Variants in ADAMTS9 observed in about 807,000 individuals in gnomAD.
ADAMTS9 encodes the protein ADAM metallopeptidase with thrombospondin type 1 motif 9.
ADAMTS9 carries 107 observed loss-of-function variants against 257.1 expected under a neutral mutation model. That is an observed-to-expected ratio of 0.42 (90% CI 0.36 to 0.49). The LOEUF is 0.49. Among genes scored for constraint, ADAMTS9 ranks in the 20% least tolerant of loss-of-function variants. ADAMTS9 has a pLI of 0.03. For synonymous variants in ADAMTS9, 982 were observed against 880.9 expected, an observed-to-expected ratio of 1.11 and a Z score of -2.03; for missense variants, 2,353 against 2,469.1, an observed-to-expected ratio of 0.95 and a Z score of 1.00.
Position 64,601,955 on chromosome 3 carries a change from G to T in ADAMTS9, c.4006C>A (p.Pro1336Thr). ...VLGGNQWRTG[P>T]WGACSSTCAG... is the part of the protein sequence containing the mutation. ...CAGGGAATACTCACTGCTCCCCAGG[G>T]GCCAGTTCTCCACTGGTTTCCACCG... Residue 1336 changes from proline to threonine, a missense_variant, in exon 26 of 40, where the codon CCC becomes ACC. Pro to Thr is a conservative substitution (Grantham distance 38). Coordinates refer to ENST00000498707, the MANE Select transcript of ADAMTS9 (RefSeq NM_182920.2). The T allele has an allele frequency of 1.2e-6, 2 of 1,606,206 alleles. No homozygotes were observed. The highest frequency in any genetic ancestry group is 1.1e-5 in the South Asian group (1 of 89,968).
chr3:64,559,651 T>C (rs2083387348), intron 30 of ADAMTS9, among the ~76,000 whole-genome samples: 1 of 152,220 alleles, frequency 6.6e-6, no homozygotes, highest in Non-Finnish European at 1.5e-5. Flanking sequence ...TTAAAAAAGA[T>C]CCATCTGCAC....
intron 4 of ADAMTS9, among the ~76,000 whole-genome samples, chr3:64,657,506 T>C (rs1047802244): frequency 2.3e-5 from 3 of 132,542 alleles, no homozygotes; most frequent in African/African-American, 6.2e-5. Flanking sequence ...ACCTGGCTAA[T>C]TGGTTTTTTT....
chr3:64,520,742 A>T, intron 39 of ADAMTS9, among the ~76,000 whole-genome samples: 1 of 152,234 alleles, frequency 6.6e-6, no homozygotes, highest in Non-Finnish European at 1.5e-5. Context: ...CTGGCTAACC[A>T]TATACAGAAG....
At chr3:64,564,953 T>C (rs2083505640) in intron 29 of ADAMTS9, among the ~76,000 whole-genome samples, 1 of 152,248 alleles carries the variant, frequency 6.6e-6, no homozygotes. Flanking sequence ...GTAGCATAGC[T>C]ACTGCGAATG....
In ADAMTS9 at chr3:64,551,001, T is replaced by C. The variant is rs1238495067; in HGVS notation, c.4760A>G (p.Lys1587Arg). The C allele has an allele frequency of 1.2e-6, 2 of 1,614,210 alleles. No individual in the cohort carries two copies. Among genetic ancestry groups the C allele is most frequent in the South Asian group, 1.1e-5 (1 of 91,090 alleles). ...YRKVVCVDDN[K>R]NEVHGARCDV... The stretch of plus-strand genomic sequence containing the variant: ...ACAGCGTGCCCCATGCACCTCGTTT[T>C]TGTTGTCATCCACACACACCACCTT... Residue 1587 changes from lysine to arginine, a missense_variant, in exon 31 of 40, where the codon AAA becomes AGA. Around this residue, in one of 3 missense-constraint regions of ADAMTS9, gnomAD observed 1,402 missense variants for 1,441.4 expected, o/e 0.97. Coordinates refer to ENST00000498707, the MANE Select transcript of ADAMTS9 (RefSeq NM_182920.2).
intron 22 of ADAMTS9, among the ~76,000 whole-genome samples, chr3:64,608,851 C>T (rs2106826726): frequency 6.6e-6 from 1 of 151,948 alleles, no homozygotes; most frequent in Non-Finnish European, 1.5e-5. Flanking sequence ...ATTAATATTG[C>T]TTATACAGAT....
chr3:64,624,850 T>A lies in ADAMTS9; in HGVS notation c.2390-2264A>T, dbSNP rs115137531. On this transcript the variant is annotated intron_variant, in intron 16 of 39. Transcript: ENST00000498707. Reference sequence around the variant, plus strand: ...ATAAAATCTCAATCACATCTTTTCCTTTTAGTATTTAATTCAAAATTTTGA... The same window carrying A: ...ATAAAATCTCAATCACATCTTTTCCATTTAGTATTTAATTCAAAATTTTGA... Among the ~76,000 whole-genome samples, 477 of 152,298 alleles carry A rather than the reference T, an allele frequency of 3.1e-3. 2 individuals are homozygous for A. The highest frequency in any genetic ancestry group is 0.019 in the South Asian group (90 of 4,816).
At chr3:64,622,973 A>T (rs531177040) in intron 16 of ADAMTS9, among the ~76,000 whole-genome samples, 2 of 152,326 alleles carry the variant, frequency 1.3e-5, no homozygotes, top group East Asian at 3.9e-4. Flanking sequence ...ACACTTACAA[A>T]ATTGGTTCCT....
intron 19 of ADAMTS9, among the ~76,000 whole-genome samples, chr3:64,618,133 G>C (rs971850617): frequency 1.3e-5 from 2 of 152,102 alleles, no homozygotes; most frequent in Admixed American, 6.5e-5. Flanking sequence ...GTTAATTTTA[G>C]GAATGAGCAT....
chr3:64,630,459 A>T (rs1326820667), intron 16 of ADAMTS9, among the ~76,000 whole-genome samples: 1 of 152,192 alleles, frequency 6.6e-6, no homozygotes, highest in Non-Finnish European at 1.5e-5. Flanking sequence ...GAGTGCCTAT[A>T]GTCCCAGCTA....
rs181812125 is a variant in ADAMTS9, at chr3:64,624,802, T to C, written c.2390-2216A>G. Among the ~76,000 whole-genome samples, 5 of 152,388 alleles carry C rather than the reference T, an allele frequency of 3.3e-5. No individual in the cohort carries two copies. In the East Asian group the frequency reaches 9.6e-4, roughly 29 times the overall value. ...TCAAATACAAATAAATTTATTTTCA[T>C]AATTTTTGATTAATTTCTCAAGATA... On this transcript the variant is annotated intron_variant, in intron 16 of 39. Transcript: ENST00000498707.
intron 30 of ADAMTS9, among the ~76,000 whole-genome samples, chr3:64,560,407 A>C (rs17071042): frequency 0.011 from 1,691 of 152,308 alleles, 66 homozygotes; most frequent in East Asian, 0.079. Flanking sequence ...CAATGGAAGT[A>C]ATCCATGAGG....
intron 26 of ADAMTS9, among the ~76,000 whole-genome samples, chr3:64,597,730 C>A (rs1407670258): frequency 7.9e-5 from 12 of 152,132 alleles, no homozygotes; most frequent in Admixed American, 7.9e-4. Flanking sequence ...ATTTCATTTC[C>A]CATACAAGCC....
intron 31 of ADAMTS9, among the ~76,000 whole-genome samples, chr3:64,549,915 T>G (rs1433679915): frequency 1.3e-5 from 2 of 152,230 alleles, no homozygotes; most frequent in Non-Finnish European, 2.9e-5. Flanking sequence ...ACACATCATC[T>G]AAATGCAAAT....
intron 38 of ADAMTS9, among the ~76,000 whole-genome samples, chr3:64,532,144 T>C (rs2082990301): frequency 6.6e-6 from 1 of 152,190 alleles, no homozygotes; most frequent in African/African-American, 2.4e-5. Context: ...CAGTACACAG[T>C]CGACACGCTC....
intron 30 of ADAMTS9, among the ~76,000 whole-genome samples, chr3:64,553,029 T>C (rs1347818852): frequency 6.6e-6 from 1 of 151,828 alleles, no homozygotes; most frequent in African/African-American, 2.4e-5. Context: ...ATGCCCTATG[T>C]CTTTTTTTTT....
At chr3:64,580,145 C>A (rs1215108620) in intron 28 of ADAMTS9, among the ~76,000 whole-genome samples, 2 of 152,070 alleles carry the variant, frequency 1.3e-5, no homozygotes, top group Non-Finnish European at 2.9e-5. Context: ...AAACAGAATA[C>A]AATGAAATGC....
rs139171089 is a variant in ADAMTS9, at chr3:64,595,466, G to C, written c.4180-1032C>G. On this transcript the variant is annotated intron_variant, in intron 27 of 39. Transcript: ENST00000498707. Reference sequence around the variant, plus strand: ...TCTCCCACAGAATTTGGAATGATCTGGTCTGTGCTGACAGCAAAGCATCCC... The same window carrying C: ...TCTCCCACAGAATTTGGAATGATCTCGTCTGTGCTGACAGCAAAGCATCCC... Among the ~76,000 whole-genome samples, 220 of 152,296 alleles carry C rather than the reference G, an allele frequency of 1.4e-3. 1 individual carries two copies. The highest frequency in any genetic ancestry group is 1.5e-3 in the Non-Finnish European group (105 of 68,026).
intron 30 of ADAMTS9, among the ~76,000 whole-genome samples, chr3:64,555,457 G>A (rs2083321560): frequency 6.6e-6 from 1 of 152,092 alleles, no homozygotes; most frequent in Admixed American, 6.5e-5. Context: ...CCATGGCTTC[G>A]TACCCTGTCT....
Sources: allele counts gnomAD v4.1 joint callset (sites outside exome capture counted in the v4.1 genomes callset), GRCh38; gene constraint gnomAD v4.1.1; regional missense constraint gnomAD v4.1.1; transcripts MANE v1.5; gene names NCBI Gene and HGNC (gene_info 2026-07-23, HGNC 2026-07-21).